NPAS3: variants seen among roughly 807,000 people sequenced by gnomAD.
NPAS3 encodes the protein neuronal PAS domain protein 3.
NPAS3 carries 14 observed loss-of-function variants against 73.1 expected under a neutral mutation model. The ratio of observed to expected loss-of-function variants is 0.19; its 90% confidence interval spans 0.13 to 0.30. NPAS3 has a LOEUF of 0.30. Ranked by LOEUF, NPAS3 falls within the 10% of genes least tolerant of loss-of-function variation. The probability of loss-of-function intolerance (pLI) is 1.00; values close to 1 mark genes in which losing one functional copy is unlikely to be tolerated. For synonymous variants in NPAS3, 620 were observed against 541.5 expected (o/e 1.14, Z -2.01); for missense variants, 1,096 against 1,250.0 (o/e 0.88, Z 1.86).
At chr14:33,656,007 G>A (rs970805837) in intron 5 of NPAS3, among the ~76,000 whole-genome samples, 1 of 152,090 alleles carries the variant, frequency 6.6e-6, no homozygotes, top group African/African-American at 2.4e-5. Context: ...TTTCTCACTT[G>A]GTGGTTGTGC....
chr14:33,512,328 C>G (rs2053093089), intron 4 of NPAS3, among the ~76,000 whole-genome samples: 1 of 151,808 alleles, frequency 6.6e-6, no homozygotes, highest in Non-Finnish European at 1.5e-5. Flanking sequence ...TGTTGTTTTC[C>G]TGCCAACTCA....
intron 1 of NPAS3, among the ~76,000 whole-genome samples, chr14:33,021,151 A>G (rs554921468): frequency 2.8e-4 from 43 of 152,316 alleles, no homozygotes; most frequent in African/African-American, 9.1e-4. Context: ...TATCGTGAGA[A>G]GTAGAGGATG....
intron 6 of NPAS3, among the ~76,000 whole-genome samples, chr14:33,715,528 C>G (rs957384229): frequency 1.3e-5 from 2 of 152,098 alleles, no homozygotes; most frequent in Non-Finnish European, 2.9e-5. Context: ...CTTACTCTCC[C>G]CTGCTCTTGC....
chr14:33,122,080 C>A (rs2043250658), intron 2 of NPAS3, among the ~76,000 whole-genome samples: 2 of 152,150 alleles, frequency 1.3e-5, no homozygotes, highest in Non-Finnish European at 2.9e-5. Flanking sequence ...TCTTCAACTG[C>A]AAATGGTAGT....
chr14:32,979,942 A>G lies in NPAS3; in HGVS notation c.50+40576A>G, dbSNP rs72676708. On this transcript the variant is annotated intron_variant, in intron 1 of 11. Transcript: ENST00000356141. ...TGGGAGGTCACTTAGTTTTAGGATT[A>G]TGTCAATTGACTTGTCAAAAACTTT... 2.2e-3 allele frequency among the ~76,000 whole-genome samples: 338 copies of G among 152,310 alleles called. 1 individual carries two copies. Among genetic ancestry groups the G allele is most frequent in the Non-Finnish European group, 2.9e-3 (200 of 68,032 alleles).
rs539212685 is a variant in NPAS3, at chr14:33,236,372, C to A, written c.385+20946C>A. Among the ~76,000 whole-genome samples the A allele has an allele frequency of 3.3e-5, 5 of 152,144 alleles. No homozygotes were observed. In the South Asian group the frequency reaches 1.0e-3, roughly 32 times the overall value. ...TTAGCAGTTTCTCTCCTTTCTTTTA[C>A]CTCACTGTAATTTTATTTCTTAATT... is the stretch of plus-strand genomic sequence containing the variant. On this transcript the variant is annotated intron_variant, in intron 3 of 11. Coordinates refer to ENST00000356141, the Ensembl canonical transcript of NPAS3.
intron 1 of NPAS3, among the ~76,000 whole-genome samples, chr14:32,944,445 A>G (rs149267761): frequency 2.1e-3 from 323 of 152,348 alleles, no homozygotes; most frequent in African/African-American, 7.4e-3. Context: ...AAAATTGCAC[A>G]TAATGGAATA....
intron 2 of NPAS3, among the ~76,000 whole-genome samples, chr14:33,145,032 A>C (rs1033101726): frequency 2.0e-5 from 3 of 152,198 alleles, no homozygotes; most frequent in Non-Finnish European, 4.4e-5. Flanking sequence ...TCTTAGTTAA[A>C]TCATTGAAAA....
At chr14:33,408,141 C>T (rs182836823) in intron 4 of NPAS3, among the ~76,000 whole-genome samples, 331 of 152,172 alleles carry the variant, frequency 2.2e-3, no homozygotes, top group African/African-American at 7.6e-3. Context: ...GTACTTTTCC[C>T]CTCATTTTAC....
At chr14:32,980,925 A>G (rs2037871172) in intron 1 of NPAS3, among the ~76,000 whole-genome samples, 1 of 152,106 alleles carries the variant, frequency 6.6e-6, no homozygotes. Context: ...TTTTAGCTAT[A>G]TATACACCCA....
chr14:33,425,711 T>C (rs1259789873), intron 4 of NPAS3, among the ~76,000 whole-genome samples: 1 of 152,068 alleles, frequency 6.6e-6, no homozygotes, highest in Non-Finnish European at 1.5e-5. Context: ...ATTTTCCTCA[T>C]TCCTACTCTT....
intron 3 of NPAS3, among the ~76,000 whole-genome samples, chr14:33,217,995 A>G (rs2047286482): frequency 6.6e-6 from 1 of 152,082 alleles, no homozygotes; most frequent in Non-Finnish European, 1.5e-5. Flanking sequence ...CTAATACTTC[A>G]TTTTTATTTT....
chr14:33,601,544 T>C (rs978116470), intron 5 of NPAS3, among the ~76,000 whole-genome samples: 1 of 152,184 alleles, frequency 6.6e-6, no homozygotes, highest in Non-Finnish European at 1.5e-5. Context: ...CTCATTTAAT[T>C]TGATCTCACA....
chr14:33,651,654 C>T (rs959237865), intron 5 of NPAS3, among the ~76,000 whole-genome samples: 1 of 152,102 alleles, frequency 6.6e-6, no homozygotes, highest in African/African-American at 2.4e-5. Flanking sequence ...TTCTCTATAC[C>T]TCTGTTTCCT....
intron 3 of NPAS3, among the ~76,000 whole-genome samples, chr14:33,224,575 A>G (rs1195222360): frequency 2.6e-5 from 4 of 152,126 alleles, no homozygotes; most frequent in African/African-American, 9.7e-5. Flanking sequence ...GTCTTTTAAC[A>G]AAGTCAGTTA....
chr14:33,295,401 G>A (rs752300196), intron 3 of NPAS3, among the ~76,000 whole-genome samples: 4 of 152,088 alleles, frequency 2.6e-5, no homozygotes, highest in African/African-American at 9.7e-5. Context: ...TGTGTACTCC[G>A]CATGCTGGCT....
intron 5 of NPAS3, among the ~76,000 whole-genome samples, chr14:33,582,484 C>T (rs77069415): frequency 0.011 from 1,619 of 152,250 alleles, 6 homozygotes; most frequent in Non-Finnish European, 0.017. Flanking sequence ...TATTGTTATA[C>T]CATGTTTATC....
At chr14:33,720,767 GC>G (rs2061086209) in intron 6 of NPAS3, among the ~76,000 whole-genome samples, 1 of 152,096 alleles carries the variant, frequency 6.6e-6, no homozygotes, top group African/African-American at 2.4e-5. Context: ...CATATATTAA[GC>G]CCTTTAAATA....
Position 33,167,835 on chromosome 14 carries a change from T to C in NPAS3, c.141-47347T>C, listed in dbSNP as rs531832396. On this transcript the variant is annotated intron_variant, in intron 2 of 11. Transcript: ENST00000356141. ...AGAATATGGGAAGTTTACGATGATA[T>C]TTGCAGCATACCCATGTAAGGAATG... is the stretch of plus-strand genomic sequence containing the variant. 2.0e-5 allele frequency among the ~76,000 whole-genome samples: 3 copies of C among 152,292 alleles called. No homozygotes were observed. In the East Asian group the frequency reaches 5.8e-4, roughly 29 times the overall value.
Sources: gnomAD v4.1 joint callset for allele counts (sites outside exome capture counted in the v4.1 genomes callset) on GRCh38, gnomAD v4.1.1 for gene constraint, MANE v1.5 for transcripts, NCBI Gene and HGNC (gene_info 2026-07-23, HGNC 2026-07-21) for gene names.